Variants in RBFOX1 observed in about 807,000 individuals in gnomAD.
RBFOX1 encodes RNA binding fox-1 homolog 1.
A neutral mutation model predicts 57.7 loss-of-function variants in RBFOX1; 8 were observed. The observed-to-expected ratio is 0.14, with a 90% CI of 0.08 to 0.25. The LOEUF (loss-of-function observed/expected upper bound fraction) is 0.25, where lower values mean the gene tolerates loss of function less well. Among genes scored for constraint, RBFOX1 ranks in the 10% least tolerant of loss-of-function variants. The pLI is 1.00. For synonymous variants in RBFOX1, 326 were observed against 222.4 expected (o/e 1.47, Z -4.15); for missense variants, 611 against 548.5 (o/e 1.11, Z -1.14).
intron 2 of RBFOX1, among the ~76,000 whole-genome samples, chr16:6,648,009 T>C (rs1330859850): frequency 6.6e-6 from 1 of 152,096 alleles, no homozygotes; most frequent in Non-Finnish European, 1.5e-5. Flanking sequence ...GCCCAGCTAA[T>C]TTTTGTATTT....
intron 3 of RBFOX1, among the ~76,000 whole-genome samples, chr16:7,041,082 ATTTTT>A (rs61569211): frequency 1.8e-4 from 20 of 109,312 alleles, no homozygotes; most frequent in African/African-American, 5.6e-4. Flanking sequence ...CGCCCAGCTA[ATTTTT>A]TTTTTTTTTT....
intron 1 of RBFOX1, among the ~76,000 whole-genome samples, chr16:6,053,123 C>T (rs534461251): frequency 3.9e-4 from 60 of 152,178 alleles, no homozygotes; most frequent in Admixed American, 2.4e-3. Flanking sequence ...TGGGGCTGAG[C>T]GGTACCTTAC....
chr16:5,436,224 G>A (rs1033721207), intron 1 of RBFOX1, among the ~76,000 whole-genome samples: 6 of 152,162 alleles, frequency 3.9e-5, no homozygotes, highest in African/African-American at 9.7e-5. Context: ...AAGGGGGCTC[G>A]TGACTCAGAC....
intron 4 of RBFOX1, among the ~76,000 whole-genome samples, chr16:7,365,355 TTTTTATA>T: frequency 6.6e-6 from 1 of 152,202 alleles, no homozygotes; most frequent in Non-Finnish European, 1.5e-5. Flanking sequence ...GACTTACCTT[TTTTTATA>T]GTCTCAGTCC....
intron 2 of RBFOX1, among the ~76,000 whole-genome samples, chr16:6,426,596 A>G (rs914544172): frequency 3.9e-5 from 6 of 152,030 alleles, no homozygotes; most frequent in African/African-American, 1.4e-4. Flanking sequence ...GTCCCAGTGC[A>G]CTCCAGCCTG....
chr16:5,905,258 G>A (rs2058429865), intron 4 of RBFOX1, among the ~76,000 whole-genome samples: 1 of 151,532 alleles, frequency 6.6e-6, no homozygotes, highest in African/African-American at 2.4e-5. Context: ...AGTAGAGACG[G>A]CCCAGGCTGG....
intron 2 of RBFOX1, among the ~76,000 whole-genome samples, chr16:5,477,533 C>A (rs529433090): frequency 6.6e-6 from 1 of 152,134 alleles, no homozygotes; most frequent in African/African-American, 2.4e-5. Context: ...AGTAATTGCA[C>A]GGGCTGTTTC....
At chr16:6,516,962 C>T (rs2096391799) in intron 2 of RBFOX1, among the ~76,000 whole-genome samples, 1 of 152,126 alleles carries the variant, frequency 6.6e-6, no homozygotes, top group Non-Finnish European at 1.5e-5. Context: ...GCTCTGGGGG[C>T]AGAGATAAAG....
intron 1 of RBFOX1, among the ~76,000 whole-genome samples, chr16:6,228,108 C>T (rs2097431037): frequency 6.6e-6 from 1 of 151,964 alleles, no homozygotes. Context: ...GTCAGGAGTT[C>T]GAGACCAGCC....
intron 3 of RBFOX1, among the ~76,000 whole-genome samples, chr16:5,653,582 C>G (rs114050122): frequency 0.015 from 2,350 of 152,160 alleles, 54 homozygotes; most frequent in African/African-American, 0.054. Flanking sequence ...GGGTGATTGC[C>G]TCTCCCTGAC....
chr16:6,666,548 A>C (rs2098734138), intron 3 of RBFOX1, among the ~76,000 whole-genome samples: 1 of 149,628 alleles, frequency 6.7e-6, no homozygotes, highest in South Asian at 2.1e-4. Flanking sequence ...TCCAAAAAAA[A>C]AAAAAAAAAA....
At chr16:7,120,062 A>G (rs1246901889) in intron 4 of RBFOX1, among the ~76,000 whole-genome samples, 1 of 152,112 alleles carries the variant, frequency 6.6e-6, no homozygotes, top group Non-Finnish European at 1.5e-5. Context: ...GAAAAAATCT[A>G]AAAGCACTTG....
At chr16:5,409,311 C>T (rs1000531479) in intron 1 of RBFOX1, among the ~76,000 whole-genome samples, 6 of 152,166 alleles carry the variant, frequency 3.9e-5, no homozygotes, top group African/African-American at 1.4e-4. Flanking sequence ...CAGGTGTGTC[C>T]ACTCCTAGAG....
chr16:6,985,406 G>T (rs1228940685), intron 3 of RBFOX1, among the ~76,000 whole-genome samples: 1 of 152,172 alleles, frequency 6.6e-6, no homozygotes, highest in Admixed American at 6.5e-5. Flanking sequence ...AGGTGACTCA[G>T]GAGGCTTAGG....
chr16:5,291,791 C>A (rs1221639832), intron 1 of RBFOX1, among the ~76,000 whole-genome samples: 7 of 152,046 alleles, frequency 4.6e-5, no homozygotes, highest in Non-Finnish European at 4.4e-5. Context: ...GTGAACGGAT[C>A]TGAGAAGGAT....
At chr16:6,876,055 C>T (rs1435546374) in intron 3 of RBFOX1, among the ~76,000 whole-genome samples, 1 of 151,760 alleles carries the variant, frequency 6.6e-6, no homozygotes, top group African/African-American at 2.4e-5. Flanking sequence ...CGTCTATAGT[C>T]CTAGCATCTC....
At chr16:7,113,562 C>A (rs756138724) in intron 4 of RBFOX1, among the ~76,000 whole-genome samples, 2 of 152,068 alleles carry the variant, frequency 1.3e-5, no homozygotes, top group African/African-American at 4.8e-5. Flanking sequence ...AATTATGCAC[C>A]CGCACCATTG....
intron 1 of RBFOX1, among the ~76,000 whole-genome samples, chr16:5,445,361 G>T (rs1004780184): frequency 6.6e-6 from 1 of 152,136 alleles, no homozygotes; most frequent in Admixed American, 6.5e-5. Flanking sequence ...CAACACCCTG[G>T]AGTTTGCCTT....
At chr16:7,050,936 C>G (rs1166002944) in intron 3 of RBFOX1, among the ~76,000 whole-genome samples, 1 of 151,986 alleles carries the variant, frequency 6.6e-6, no homozygotes, top group Non-Finnish European at 1.5e-5. Context: ...AGATTTGGGG[C>G]TCTGGTGCAT....
Sources: allele counts gnomAD v4.1 joint callset (sites outside exome capture counted in the v4.1 genomes callset), GRCh38; gene constraint gnomAD v4.1.1; transcripts MANE v1.5; gene names NCBI Gene and HGNC (gene_info 2026-07-23, HGNC 2026-07-21).